The following KIRREL1 variants were observed in gnomAD, a reference collection of about 807,000 sequenced individuals.
The protein encoded by KIRREL1 is kirre like nephrin family adhesion molecule 1, also known as kin of IRRE-like protein 1.
In KIRREL1, 25 loss-of-function variants were observed where a neutral mutation model predicts 83.3. That is an observed-to-expected ratio of 0.30 (90% confidence interval 0.22 to 0.42). KIRREL1 has a LOEUF of 0.42. Ranked by LOEUF, KIRREL1 falls within the 10% of genes least tolerant of loss-of-function variation. The pLI, the probability that KIRREL1 is intolerant of heterozygous loss-of-function variation, is 1.00. For synonymous variants in KIRREL1, 388 were observed against 410.4 expected, an observed-to-expected ratio of 0.95 and a Z score of 0.66; for missense variants, 812 against 1,032.3, an observed-to-expected ratio of 0.79 and a Z score of 2.92.
chr1:158,073,701 C>T (rs933742581), intron 1 of KIRREL1, among the ~76,000 whole-genome samples: 1 of 152,172 alleles, frequency 6.6e-6, no homozygotes, highest in African/African-American at 2.4e-5. Flanking sequence ...AAATGGGGGC[C>T]CATATGAGGA....
chr1:158,070,382 GTGGATTATTA>G (rs1468440751), intron 1 of KIRREL1, among the ~76,000 whole-genome samples: 12 of 152,196 alleles, frequency 7.9e-5, no homozygotes, highest in Non-Finnish European at 1.3e-4. Flanking sequence ...GATAATAATA[GTGGATTATTA>G]TGCAGAAACA....
At chr1:158,041,967 C>T (rs983816275) in intron 1 of KIRREL1, among the ~76,000 whole-genome samples, 1 of 152,084 alleles carries the variant, frequency 6.6e-6, no homozygotes, top group Non-Finnish European at 1.5e-5. Context: ...GTGAGAGGAA[C>T]AAATTGGACC....
chr1:158,068,646 C>T (rs1661421361), intron 1 of KIRREL1, among the ~76,000 whole-genome samples: 1 of 152,222 alleles, frequency 6.6e-6, no homozygotes, highest in Admixed American at 6.5e-5. Flanking sequence ...CTTCTCTTCT[C>T]CTCTATCAGA....
chr1:157,997,440 C>T (rs924170235), intron 1 of KIRREL1, among the ~76,000 whole-genome samples: 3 of 150,716 alleles, frequency 2.0e-5, no homozygotes, highest in Non-Finnish European at 4.4e-5. Context: ...TCTGCGCTTC[C>T]TTTTCTTCTC....
chr1:158,083,980 A>C (rs900988436), intron 3 of KIRREL1, among the ~76,000 whole-genome samples: 1 of 152,070 alleles, frequency 6.6e-6, no homozygotes, highest in Non-Finnish European at 1.5e-5. Context: ...AAATACAAAA[A>C]TTAGCTGGGA....
At chr1:158,008,098 A>AT (rs1162898973) in intron 1 of KIRREL1, among the ~76,000 whole-genome samples, 1 of 152,074 alleles carries the variant, frequency 6.6e-6, no homozygotes, top group Admixed American at 6.5e-5. Flanking sequence ...TTAGCAGATA[A>AT]TTACAGTCTC....
At chr1:157,999,938 T>A (rs1251195967) in intron 1 of KIRREL1, among the ~76,000 whole-genome samples, 2 of 152,158 alleles carry the variant, frequency 1.3e-5, no homozygotes, top group Admixed American at 1.3e-4. Context: ...GACATAATTG[T>A]TGAAGTTAGG....
intron 1 of KIRREL1, among the ~76,000 whole-genome samples, chr1:158,048,607 C>T (rs1660835832): frequency 6.6e-6 from 1 of 152,106 alleles, no homozygotes; most frequent in Non-Finnish European, 1.5e-5. Flanking sequence ...CAAATTGGGA[C>T]ACAGGGAGGT....
intron 3 of KIRREL1, 131 bp downstream of exon 3, chr1:158,078,271 A>G: frequency 9.8e-7 from 1 of 1,020,532 alleles, no homozygotes; most frequent in Non-Finnish European, 1.4e-6. Context: ...TCCCTGCCCT[A>G]ATGCTCAAGT....
chr1:158,017,507 C>A (rs1272821375), intron 1 of KIRREL1, among the ~76,000 whole-genome samples: 1 of 151,976 alleles, frequency 6.6e-6, no homozygotes, highest in East Asian at 1.9e-4. Context: ...GTCTGGCCAA[C>A]ATGGTGAAAT....
rs1412693421 is a variant in KIRREL1, at chr1:158,068,912, G to A, written c.53-7201G>A. Among the ~76,000 whole-genome samples the A allele has an allele frequency of 4.2e-5, 6 of 143,066 alleles. No individual in the cohort carries two copies. The East Asian group carries it at 9.7e-4, about 23-fold the overall frequency. 93.9% of individuals were successfully genotyped at this position (143,066 alleles called of 152,430 possible). On this transcript the variant is annotated intron_variant, in intron 1 of 14. Coordinates refer to ENST00000359209, the MANE Select transcript of KIRREL1 (RefSeq NM_018240.7). ...AGTTCCATCTGAAAGCTGTCGGTGC[G>A]AATCAGAGGCTTCCCTTTGAACCAG...
chr1:158,005,126 T>A (rs1659480362), intron 1 of KIRREL1, among the ~76,000 whole-genome samples: 1 of 152,156 alleles, frequency 6.6e-6, no homozygotes, highest in Non-Finnish European at 1.5e-5. Flanking sequence ...AGCTCTCGGG[T>A]GATGCTGATG....
At chr1:158,088,589 A>G in intron 8 of KIRREL1, 135 bp downstream of exon 8, 2 of 654,582 alleles carry the variant, frequency 3.1e-6, no homozygotes, top group Non-Finnish European at 2.2e-6. Flanking sequence ...GGTTCACGCC[A>G]TTCTCCTGCC....
In KIRREL1 at chr1:158,100,069, A is replaced by G. The variant is rs1304626364; in HGVS notation, c.*4949A>G. The G allele has an allele frequency of 1.3e-5, 2 of 152,082 alleles. No individual in the cohort carries two copies. Among genetic ancestry groups the G allele is most frequent in the Non-Finnish European group, 2.9e-5 (2 of 68,022 alleles). The allele number at this position is 152,082 out of a possible 1,614,324, so 9.4% of individuals were successfully genotyped here. A position where few individuals can be genotyped will look rare whatever the true frequency, so the allele number is the denominator to read the frequency against. ...GATAATTAAGAGAAGAGAAAAAAAG[A>G]TATTATTTTTGTTAGGACAAACCAT... On this transcript the variant is annotated 3_prime_UTR_variant, in exon 15 of 15. Transcript: ENST00000359209.
Position 158,095,179 on chromosome 1 carries a change from T to C in KIRREL1, c.*59T>C. 5 of 1,192,488 alleles carry C rather than the reference T, an allele frequency of 4.2e-6. No individual in the cohort carries two copies. Among genetic ancestry groups the C allele is most frequent in the Non-Finnish European group, 4.7e-6 (4 of 847,852 alleles). 73.9% of individuals were successfully genotyped at this position (1,192,488 alleles called of 1,614,324 possible). On this transcript the variant is annotated 3_prime_UTR_variant, in exon 15 of 15. Transcript: ENST00000359209. Reference sequence around the variant, plus strand: ...CAGAGGAGAAGGCTTTCACAGCTGTTCCCTGATATTCAGGGGCATTGCTCA... The same window carrying C: ...CAGAGGAGAAGGCTTTCACAGCTGTCCCCTGATATTCAGGGGCATTGCTCA...
At chr1:158,090,744 C>T (rs79756905) in intron 10 of KIRREL1, among the ~76,000 whole-genome samples, 13,421 of 152,166 alleles carry the variant, frequency 0.088, 863 homozygotes, top group African/African-American at 0.18. Context: ...CCAGGCAGGT[C>T]GTGTGGGTTG....
intron 1 of KIRREL1, among the ~76,000 whole-genome samples, chr1:158,002,723 T>A (rs375135997): frequency 3.4e-4 from 51 of 152,004 alleles, no homozygotes; most frequent in African/African-American, 1.2e-3. Context: ...AGCCTAACCG[T>A]CCAGTGAGGG....
At chr1:158,011,260 C>A (rs1659680320) in intron 1 of KIRREL1, among the ~76,000 whole-genome samples, 1 of 152,232 alleles carries the variant, frequency 6.6e-6, no homozygotes, top group Non-Finnish European at 1.5e-5. Context: ...ATTGCAAGTT[C>A]CCCAAGGCCC....
At chr1:158,072,447 G>A (rs1204406307) in intron 1 of KIRREL1, among the ~76,000 whole-genome samples, 1 of 152,196 alleles carries the variant, frequency 6.6e-6, no homozygotes, top group African/African-American at 2.4e-5. Flanking sequence ...GTTGCCCCTG[G>A]GGTAACAGCA....
Sources: gnomAD v4.1 joint callset for allele counts (sites outside exome capture counted in the v4.1 genomes callset) on GRCh38, gnomAD v4.1.1 for gene constraint, MANE v1.5 for transcripts, NCBI Gene and HGNC (gene_info 2026-07-23, HGNC 2026-07-21) for gene names.